DHX34: variants seen among roughly 807,000 people sequenced by gnomAD.
DHX34 encodes probable ATP-dependent RNA helicase DHX34.
DHX34 carries 96 observed loss-of-function variants against 111.1 expected under a neutral mutation model. The observed-to-expected ratio is 0.86, with a 90% CI of 0.73 to 1.02. DHX34 has a LOEUF of 1.02. DHX34 is among the 50% of genes least tolerant of loss of function. The pLI, the probability that DHX34 is intolerant of heterozygous loss-of-function variation, is 0.00. For missense variants in DHX34, 1,560 were observed against 1,579.9 expected (o/e 0.99, Z 0.21); for synonymous variants, 688 against 670.4 (o/e 1.03, Z -0.41).
Position 47,353,952 on chromosome 19 carries a change from A to G in DHX34, c.705+217A>G, listed in dbSNP as rs938492612. On this transcript the variant is annotated intron_variant, in intron 2 of 16. Transcript: ENST00000328771. This position sits in a 1 kb window ranked among gnomAD's most constrained non-coding sequence, Gnocchi z 4.6. The stretch of plus-strand genomic sequence containing the variant: ...CACTTTAACAGCAAAACAATGGGAA[A>G]TGTCCTAAAGGCTCATCACTTTTTT... Among the ~76,000 whole-genome samples, 1 of 152,192 alleles carries G rather than the reference A, an allele frequency of 6.6e-6. No homozygotes were observed. The highest frequency in any genetic ancestry group is 2.4e-5 in the African/African-American group (1 of 41,454).
At position 47,352,959 on chromosome 19, in the gene DHX34, T is replaced by C. The variant is rs971123355; in HGVS notation, c.-72T>C. 1.8e-5 allele frequency: 27 copies of C among 1,512,386 alleles called. No homozygotes were observed. The Admixed American group carries it at 1.9e-4, about 10-fold the overall frequency. The allele number at this position is 1,512,386 out of a possible 1,614,324, so 93.7% of individuals were successfully genotyped here. A position where few individuals can be genotyped will look rare whatever the true frequency, so the allele number is the denominator to read the frequency against. On this transcript the variant is annotated 5_prime_UTR_variant, in exon 2 of 17. Coordinates refer to ENST00000328771, the MANE Select transcript of DHX34 (RefSeq NM_014681.6). ...TGCAGGCACTGGCCTCTTAAATTGTTGCAGGTGGGGAATGGATGAGAATAT... is the reference window on the plus strand; with the variant it reads ...TGCAGGCACTGGCCTCTTAAATTGTCGCAGGTGGGGAATGGATGAGAATAT...
In DHX34 at chr19:47,362,636, C is replaced by A. The variant is rs138426511; in HGVS notation, c.1536C>A (p.Phe512Leu). 1 of 1,613,688 alleles carries A rather than the reference C, an allele frequency of 6.2e-7. No individual in the cohort carries two copies. The highest frequency in any genetic ancestry group is 1.7e-5 in the Admixed American group (1 of 60,002). Residue 512 changes from phenylalanine to leucine, a missense_variant, in exon 6 of 17, where the codon TTC becomes TTA. By Grantham distance (22) the Phe-to-Leu change is conservative. Transcript: ENST00000328771. ...RLYAESDYDA[F>L]APYPVPEIRR... ...ATGCCGAATCGGACTATGATGCCTT[C>A]GCCCCCTACCCCGTCCCAGAAATTC...
chr19:47,354,265 G>A (rs556227825), intron 2 of DHX34, among the ~76,000 whole-genome samples: 2 of 152,012 alleles, frequency 1.3e-5, no homozygotes, highest in South Asian at 2.1e-4. Flanking sequence ...GTTGGGCTGC[G>A]AGGGTAATTC....
In DHX34 at chr19:47,357,785, C is replaced by T. The variant is rs985155944; in HGVS notation, c.1018-81C>T. On this transcript the variant is annotated intron_variant, in intron 3 of 16. Transcript: ENST00000328771. The stretch of plus-strand genomic sequence containing the variant: ...TTCTCCGTTAGCCTGTGGTCTCCCC[C>T]GTCAGCCTGCAGCCTCCCCAGCCCA... 2.0e-5 allele frequency: 31 copies of T among 1,512,804 alleles called. No homozygotes were observed. The East Asian group carries it at 2.2e-4, about 11-fold the overall frequency. 93.7% of individuals were successfully genotyped at this position (1,512,804 alleles called of 1,614,324 possible).
At chr19:47,366,364 T>C (rs1419362243) in intron 6 of DHX34, among the ~76,000 whole-genome samples, 1 of 152,010 alleles carries the variant, frequency 6.6e-6, no homozygotes, top group African/African-American at 2.4e-5. Flanking sequence ...CACTGCAACC[T>C]CCGCCTTCCA....
intron 1 of DHX34, among the ~76,000 whole-genome samples, chr19:47,351,903 AC>A (rs1969298989): frequency 6.6e-6 from 1 of 152,228 alleles, no homozygotes; most frequent in South Asian, 2.1e-4. Flanking sequence ...GAAGGTGGAT[AC>A]TGTCCTCAGA....
rs745863359 is a variant in DHX34, at chr19:47,353,760, G to A, written c.705+25G>A. ...GGTGAGTGGGACGCACCAGGTTTCC[G>A]ATTTTTCCAGCGTGACCTTGGGGGA... is the stretch of plus-strand genomic sequence containing the variant. On this transcript the variant is annotated intron_variant, in intron 2 of 16. Transcript: ENST00000328771. The surrounding 1 kb of genome is among the most constrained non-coding windows in gnomAD (Gnocchi z 4.6). The A allele has an allele frequency of 1.8e-5, 28 of 1,514,334 alleles. No homozygotes were observed. In the East Asian group the frequency reaches 2.1e-4, roughly 11 times the overall value. The allele number at this position is 1,514,334 out of a possible 1,614,324, so 93.8% of individuals were successfully genotyped here.
At position 47,355,344 on chromosome 19, in the gene DHX34, C is replaced by T. The variant is rs137877988; in HGVS notation, c.1011C>T (p.Pro337=). 59 of 1,612,398 alleles carry T rather than the reference C, an allele frequency of 3.7e-5. No homozygotes were observed. The African/African-American group carries it at 6.7e-4, about 18-fold the overall frequency. ...TACAGGTGCCTGGGAGGCTGTTCCC[C>T]ATCACGGTGAGTACTTCCCCCTCCT... ...PVVQVPGRLF[P]ITVVYQPQEA... The change falls in exon 3 of 17, where the codon CCC becomes CCT. Residue 337 remains proline, a synonymous_variant. Coordinates refer to ENST00000328771, the MANE Select transcript of DHX34 (RefSeq NM_014681.6).
intron 13 of DHX34, among the ~76,000 whole-genome samples, chr19:47,378,599 G>T (rs1384311699): frequency 6.6e-6 from 1 of 152,224 alleles, no homozygotes; most frequent in Non-Finnish European, 1.5e-5. Context: ...GGAGGCTGAG[G>T]TGGGAGGATT....
At chr19:47,376,823 G>A in intron 12 of DHX34, 2 of 1,526,874 alleles carry the variant, frequency 1.3e-6, no homozygotes, top group Admixed American at 2.0e-5. Flanking sequence ...CGGTCAGGGG[G>A]CCTGTCCTAT....
intron 7 of DHX34, among the ~76,000 whole-genome samples, chr19:47,367,523 G>A (rs1038656578): frequency 1.3e-5 from 2 of 152,136 alleles, no homozygotes; most frequent in African/African-American, 4.8e-5. Context: ...TCATGGGGAA[G>A]GTAACATCTG....
chr19:47,378,700 G>A (rs969362322), intron 13 of DHX34, among the ~76,000 whole-genome samples: 1 of 152,166 alleles, frequency 6.6e-6, no homozygotes, highest in Non-Finnish European at 1.5e-5. Flanking sequence ...GCTGGGCGTG[G>A]TGTTGTGTGC....
chr19:47,373,554 G>A (rs765330591), intron 8 of DHX34, 45 bp from the exon 9 acceptor site: 13 of 1,594,420 alleles, frequency 8.2e-6, no homozygotes, highest in Middle Eastern at 1.9e-4. Flanking sequence ...CTCCCTCCCC[G>A]CACTGGCCAG....
chr19:47,353,145 T>G lies in DHX34; in HGVS notation c.115T>G (p.Leu39Val), dbSNP rs746020227. 3.3e-5 allele frequency: 53 copies of G among 1,614,054 alleles called. 1 individual carries two copies. Among genetic ancestry groups the G allele is most frequent in the African/African-American group, 2.5e-4 (19 of 74,922 alleles). The change falls in exon 2 of 17, where the codon TTG (leucine) becomes GTG (valine). Residue 39 changes from leucine to valine, a missense_variant. Leu to Val is a conservative substitution (Grantham distance 32). Coordinates refer to ENST00000328771, the MANE Select transcript of DHX34 (RefSeq NM_014681.6). This position sits in a 1 kb window ranked among gnomAD's most constrained non-coding sequence, Gnocchi z 4.6. The part of the protein sequence containing the change: ...DWNCPETRRL[L>V]EDAFFREEDY... Reference sequence around the variant, plus strand: ...GAATTGTCCAGAGACGCGTCGCCTCTTGGAAGATGCCTTCTTCCGTGAAGA... The same window carrying G: ...GAATTGTCCAGAGACGCGTCGCCTCGTGGAAGATGCCTTCTTCCGTGAAGA...
intron 6 of DHX34, among the ~76,000 whole-genome samples, chr19:47,364,000 C>G (rs1323690912): frequency 6.6e-6 from 1 of 152,094 alleles, no homozygotes; most frequent in Non-Finnish European, 1.5e-5. Context: ...ACTGCCATGA[C>G]AAATACACAT....
chr19:47,353,090 C>A lies in DHX34; in HGVS notation c.60C>A (p.Ser20Arg), dbSNP rs184418357. ...GCCGAGACCACCACCGGGCTCCCAG[C>A]GAGGAAGAGGCCTTGGAGAAATGGG... Reference protein sequence around the residue: ...RDRRDHHRAPSEEEALEKWDW... With the variant: ...RDRRDHHRAPREEEALEKWDW... Residue 20 changes from serine (S) to arginine (R), a missense_variant, in exon 2 of 17, where the codon AGC becomes AGA. By Grantham distance (110) the Ser-to-Arg change is moderately radical. Coordinates refer to ENST00000328771, the MANE Select transcript of DHX34 (RefSeq NM_014681.6). The surrounding 1 kb of genome is among the most constrained non-coding windows in gnomAD (Gnocchi z 4.6). 1.9e-6 allele frequency: 3 copies of A among 1,614,072 alleles called. No homozygotes were observed. In the East Asian group the frequency reaches 6.7e-5, roughly 36 times the overall value.
At chr19:47,375,060 C>A (rs886521382) in intron 9 of DHX34, among the ~76,000 whole-genome samples, 8 of 152,296 alleles carry the variant, frequency 5.3e-5, no homozygotes, top group African/African-American at 1.9e-4. Flanking sequence ...CTTGGTCGTT[C>A]TGGGATGAGG....
At chr19:47,355,884 C>G (rs1599754095) in intron 3 of DHX34, among the ~76,000 whole-genome samples, 1 of 151,906 alleles carries the variant, frequency 6.6e-6, no homozygotes, top group Non-Finnish European at 1.5e-5. Flanking sequence ...TGTAAAGTCT[C>G]AAATAAGAGA....
intron 13 of DHX34, 63 bp downstream of exon 13, chr19:47,377,269 G>A (rs1433767161): frequency 9.8e-6 from 15 of 1,536,614 alleles, no homozygotes; most frequent in Non-Finnish European, 1.1e-5. Flanking sequence ...CCAGGGTGGT[G>A]GGTGGGGGCA....
Sources: gnomAD v4.1 joint callset for allele counts (sites outside exome capture counted in the v4.1 genomes callset) on GRCh38, gnomAD v4.1.1 for gene constraint, Gnocchi (gnomAD v3.1) non-coding constraint, MANE v1.5 for transcripts, NCBI Gene and HGNC (gene_info 2026-07-23, HGNC 2026-07-21) for gene names.